The following POLR1D variants were observed in gnomAD, a reference collection of about 807,000 sequenced individuals.
The protein encoded by POLR1D is RNA polymerase I and III subunit D, also known as DNA-directed RNA polymerases I and III subunit RPAC2.
Under a neutral mutation model 10.8 loss-of-function variants are expected in POLR1D, and 8 were observed. The ratio of observed to expected loss-of-function variants is 0.74; its 90% CI spans 0.43 to 1.33. The LOEUF is 1.33. Ranked by LOEUF, POLR1D falls within the 40% of genes most tolerant of loss-of-function variation. POLR1D has a pLI of 0.01. For missense variants in POLR1D, 152 were observed against 161.7 expected, an observed-to-expected ratio of 0.94 and a Z score of 0.32; for synonymous variants, 54 against 57.2, an observed-to-expected ratio of 0.94 and a Z score of 0.25.
chr13:27,633,070 GA>G (rs1956089575), intron 1 of POLR1D, among the ~76,000 whole-genome samples: 1 of 152,192 alleles, frequency 6.6e-6, no homozygotes, highest in Non-Finnish European at 1.5e-5. Context: ...GCCTGTCCAG[GA>G]GGAGTCAGAC....
chr13:27,645,468 C>T (rs964933815), intron 1 of POLR1D, among the ~76,000 whole-genome samples: 9 of 152,082 alleles, frequency 5.9e-5, no homozygotes, highest in African/African-American at 1.7e-4. Flanking sequence ...GCAAGTTAGT[C>T]GATGTCTCTG....
rs1397589755 is a variant in POLR1D at position 27,665,915 on chromosome 13, A to C, written c.331A>C (p.Ser111Arg). Residue 111 changes from serine to arginine, a missense_variant, in exon 3 of 3, where the codon AGC (serine) becomes CGC (arginine). By Grantham distance (110) the Ser-to-Arg change is moderately radical (BLOSUM62 -1). Coordinates refer to the POLR1D transcript ENST00000399697. ...TTACTCCCCGCCACGAAAGCGGAGCAGCCAGGACAAGTACGAAAAGCGGTC... is the reference window on the plus strand; with the variant it reads ...TTACTCCCCGCCACGAAAGCGGAGCCGCCAGGACAAGTACGAAAAGCGGTC... 6 of 1,614,208 alleles carry C rather than the reference A, an allele frequency of 3.7e-6. No individual in the cohort carries two copies. The African/African-American group carries it at 4.0e-5, about 11-fold the overall frequency.
intron 2 of POLR1D, chr13:27,664,902 G>A (rs144911115): frequency 1.1e-3 from 162 of 152,260 alleles, no homozygotes; most frequent in African/African-American, 3.8e-3. Flanking sequence ...AAATATGAAC[G>A]TTCTCATTTG....
intron 2 of POLR1D, among the ~76,000 whole-genome samples, chr13:27,653,865 C>T (rs1470054799): frequency 1.3e-5 from 2 of 152,290 alleles, no homozygotes; most frequent in South Asian, 4.1e-4. Context: ...TGAATTCGAT[C>T]TATTGTAATG....
chr13:27,622,369 A>G lies in POLR1D; in HGVS notation c.26+360A>G, dbSNP rs1955950290. 4 of 370,858 alleles carry G rather than the reference A, an allele frequency of 1.1e-5. No homozygotes were observed. In the South Asian group the frequency reaches 1.5e-4, roughly 14 times the overall value. The allele number at this position is 370,858 out of a possible 1,614,324, so 23.0% of individuals were successfully genotyped here. The stretch of plus-strand genomic sequence containing the variant: ...CTATGTGCAGACTGCTCCTAAAGCC[A>G]CTCTGTGCGCTGAGCTCTTTTTCTC... On this transcript the variant is annotated intron_variant, in intron 1 of 1. Transcript: ENST00000302979.
At chr13:27,621,853 C>T (rs1012026809), upstream of POLR1D, 7 of 950,486 alleles carry the variant, frequency 7.4e-6, no homozygotes, top group Admixed American at 2.0e-5. Flanking sequence ...TGCGGCTCCT[C>T]CTCCCTCCTT....
intron 1 of POLR1D, among the ~76,000 whole-genome samples, chr13:27,640,547 A>G (rs1956163794): frequency 6.6e-6 from 1 of 152,150 alleles, no homozygotes. Flanking sequence ...TGCTTGTCAT[A>G]TTATTTCAGT....
chr13:27,663,945 C>G lies in POLR1D; in HGVS notation c.102-1741C>G, dbSNP rs1373700087. 6.6e-6 allele frequency among the ~76,000 whole-genome samples: 1 copy of G among 152,168 alleles called. No homozygotes were observed. The highest frequency in any genetic ancestry group is 1.5e-5 in the Non-Finnish European group (1 of 68,026). ...CATTGCCAAAGACAGGCCCTCTAAGCTTTTTACTCTCTGTGATGGAGGGTA... is the reference window on the plus strand; with the variant it reads ...CATTGCCAAAGACAGGCCCTCTAAGGTTTTTACTCTCTGTGATGGAGGGTA... On this transcript the variant is annotated intron_variant, in intron 2 of 2. Coordinates refer to the POLR1D transcript ENST00000399697. This position sits in a 1 kb window ranked among gnomAD's most constrained non-coding sequence, Gnocchi z 4.1.
chr13:27,635,141 A>T (rs987660769), intron 1 of POLR1D, among the ~76,000 whole-genome samples: 1 of 152,214 alleles, frequency 6.6e-6, no homozygotes, highest in Non-Finnish European at 1.5e-5. Context: ...AATCTTAAAC[A>T]TGAAAAGAAT....
At chr13:27,629,963 G>A (rs1194586990) in intron 1 of POLR1D, among the ~76,000 whole-genome samples, 5 of 152,142 alleles carry the variant, frequency 3.3e-5, no homozygotes, top group African/African-American at 1.2e-4. Context: ...CCAGGCTGGA[G>A]TGCAGTGGCG....
chr13:27,660,694 T>G (rs528866728), intron 2 of POLR1D: 30 of 152,296 alleles, frequency 2.0e-4, no homozygotes, highest in African/African-American at 6.3e-4. Flanking sequence ...CACCTGCGGT[T>G]TCTTTCTTGA....
intron 1 of POLR1D, among the ~76,000 whole-genome samples, chr13:27,645,031 G>A (rs1194632484): frequency 6.6e-6 from 1 of 152,188 alleles, no homozygotes; most frequent in Non-Finnish European, 1.5e-5. Context: ...GGTAGTTATA[G>A]TGTTTTAAGG....
downstream of POLR1D, among the ~76,000 whole-genome samples, chr13:27,625,514 A>G (rs931183532): frequency 3.3e-5 from 5 of 152,166 alleles, no homozygotes; most frequent in Admixed American, 3.3e-4. Flanking sequence ...TGGAAAATAG[A>G]TTGGGAGGTG....
intron 1 of POLR1D, among the ~76,000 whole-genome samples, chr13:27,647,134 C>T (rs1416096310): frequency 6.6e-6 from 1 of 151,978 alleles, no homozygotes; most frequent in East Asian, 1.9e-4. Context: ...GTTATTGATA[C>T]ATCATATTCA....
intron 1 of POLR1D, among the ~76,000 whole-genome samples, chr13:27,630,471 A>G (rs1264050408): frequency 1.3e-5 from 2 of 152,072 alleles, no homozygotes; most frequent in African/African-American, 2.4e-5. Flanking sequence ...TGTTTTTTTC[A>G]TGGGTGGGAG....
rs1955970624 is a variant in POLR1D, at chr13:27,623,227, A to G, written c.379A>G (p.Ser127Gly). ...SIKDYKDQKA[S>G]RNESTF ...AAAGGACTATAAGGATCAAAAAGCA[A>G]GCAGAAATGAATCCACATTCTAGTC... The change falls in exon 2 of 2, where the codon AGC becomes GGC. Residue 127 changes from serine to glycine, a missense_variant. By Grantham distance (56) the Ser-to-Gly change is moderately conservative. Coordinates refer to ENST00000302979, the MANE Select transcript of POLR1D (RefSeq NM_015972.4). 6.2e-7 allele frequency: 1 copy of G among 1,613,936 alleles called. No homozygotes were observed. Among genetic ancestry groups the G allele is most frequent in the African/African-American group, 1.3e-5 (1 of 74,918 alleles).
rs190203840 is a variant in POLR1D at position 27,657,003 on chromosome 13, C to T, written c.101+8550C>T. ...GAGTTGTGGATCAATGCATGTAATC[C>T]TCTATTGGCCAGGTCAGGGAAGGCC... On this transcript the variant is annotated intron_variant, in intron 2 of 2. Coordinates refer to the POLR1D transcript ENST00000399697. Among the ~76,000 whole-genome samples the T allele has an allele frequency of 4.4e-4, 67 of 152,154 alleles. 1 individual carries two copies. Among genetic ancestry groups the T allele is most frequent in the African/African-American group, 1.6e-3 (67 of 41,524 alleles).
chr13:27,638,712 G>A (rs1048358455), intron 1 of POLR1D, among the ~76,000 whole-genome samples: 2 of 152,096 alleles, frequency 1.3e-5, no homozygotes, highest in African/African-American at 4.8e-5. Flanking sequence ...GGCCATCCTC[G>A]GGGCTGAGAT....
chr13:27,630,121 C>T (rs1956058806), intron 1 of POLR1D, among the ~76,000 whole-genome samples: 1 of 152,090 alleles, frequency 6.6e-6, no homozygotes, highest in Non-Finnish European at 1.5e-5. Context: ...CCATATTGGA[C>T]AGGCTGGTCT....
Sources: gnomAD v4.1 joint callset for allele counts (sites outside exome capture counted in the v4.1 genomes callset) on GRCh38, gnomAD v4.1.1 for gene constraint, Gnocchi (gnomAD v3.1) non-coding constraint, MANE v1.5 for transcripts, NCBI Gene and HGNC (gene_info 2026-07-23, HGNC 2026-07-21) for gene names.